The following ELAPOR2 variants were observed in gnomAD, a reference collection of about 807,000 sequenced individuals.
ELAPOR2 encodes the protein endosome/lysosome-associated apoptosis and autophagy regulator family member 2.
Under a neutral mutation model 120.7 loss-of-function variants are expected in ELAPOR2, and 89 were observed. The ratio of observed to expected loss-of-function variants is 0.74; its 90% CI spans 0.62 to 0.88. The LOEUF is 0.88. Ranked by LOEUF, ELAPOR2 falls within the 40% of genes least tolerant of loss-of-function variation. ELAPOR2 has a pLI of 0.00. For synonymous variants in ELAPOR2, 444 were observed against 444.9 expected (o/e 1.00, Z 0.03); for missense variants, 1,134 against 1,251.6 (o/e 0.91, Z 1.42).
intron 8 of ELAPOR2, among the ~76,000 whole-genome samples, chr7:86,937,429 C>A (rs551235317): frequency 2.0e-5 from 3 of 152,104 alleles, no homozygotes; most frequent in Non-Finnish European, 2.9e-5. Context: ...AAGCAACGCT[C>A]CATAGCAGCC....
At chr7:86,884,122 A>T (rs895196545) in intron 21 of ELAPOR2, among the ~76,000 whole-genome samples, 27 of 152,194 alleles carry the variant, frequency 1.8e-4, no homozygotes, top group Admixed American at 1.5e-3. Context: ...TCAAAATTTC[A>T]TTTTTAAAGT....
intron 1 of ELAPOR2, among the ~76,000 whole-genome samples, chr7:87,040,082 C>T (rs1375342342): frequency 6.6e-6 from 1 of 152,250 alleles, no homozygotes; most frequent in Non-Finnish European, 1.5e-5. Context: ...ACACGGCGCA[C>T]CACAAGATTA....
At chr7:86,938,095 TG>T in intron 8 of ELAPOR2, 30 bp downstream of exon 8, 1 of 1,491,636 alleles carries the variant, frequency 6.7e-7, no homozygotes, top group Non-Finnish European at 9.1e-7. Flanking sequence ...TGCAAAAATA[TG>T]GGATGGAGTT....
intron 8 of ELAPOR2, 113 bp from the exon 9 acceptor site, chr7:86,927,029 G>T: frequency 1.1e-6 from 1 of 934,778 alleles, no homozygotes; most frequent in Non-Finnish European, 1.5e-6. Flanking sequence ...AGAAGGGCCA[G>T]CTGACAGAAT....
intron 3 of ELAPOR2, among the ~76,000 whole-genome samples, chr7:86,947,396 T>C (rs916180761): frequency 6.6e-6 from 1 of 151,846 alleles, no homozygotes; most frequent in Non-Finnish European, 1.5e-5. Flanking sequence ...CAGAGGAAAA[T>C]AAAAAAACCT....
chr7:86,934,650 A>G (rs1790485709), intron 8 of ELAPOR2, among the ~76,000 whole-genome samples: 1 of 151,902 alleles, frequency 6.6e-6, no homozygotes. Context: ...AGCCCACTCT[A>G]TGATCTCCCT....
chr7:86,985,905 A>G (rs897114653), intron 1 of ELAPOR2, among the ~76,000 whole-genome samples: 34 of 151,648 alleles, frequency 2.2e-4, no homozygotes, highest in African/African-American at 8.0e-4. Flanking sequence ...TTGAGGGAAC[A>G]TATCTCAAAA....
chr7:86,947,070 G>A (rs554349844), intron 3 of ELAPOR2, among the ~76,000 whole-genome samples: 8 of 152,222 alleles, frequency 5.3e-5, no homozygotes, highest in Admixed American at 4.6e-4. Flanking sequence ...AAAAATGTGG[G>A]GTTCCTGAGA....
intron 10 of ELAPOR2, chr7:86,920,781 G>A (rs1056533974): frequency 1.3e-5 from 2 of 152,252 alleles, no homozygotes; most frequent in Non-Finnish European, 2.9e-5. Context: ...TTGACCCCAA[G>A]CCAGGGCCTT....
chr7:86,922,501 TTTC>T (rs1789876298), intron 10 of ELAPOR2, among the ~76,000 whole-genome samples: 1 of 151,970 alleles, frequency 6.6e-6, no homozygotes, highest in East Asian at 1.9e-4. Flanking sequence ...TGCTGTGATG[TTTC>T]TTTTCACTTT....
intron 1 of ELAPOR2, among the ~76,000 whole-genome samples, chr7:87,043,808 G>A (rs1327991765): frequency 6.6e-6 from 1 of 151,080 alleles, no homozygotes. Flanking sequence ...TAGGAAAAGA[G>A]GAAGTCAAAT....
chr7:86,908,120 TAG>T (rs1209809727), intron 17 of ELAPOR2, among the ~76,000 whole-genome samples: 3 of 150,452 alleles, frequency 2.0e-5, no homozygotes, highest in Non-Finnish European at 3.0e-5. Flanking sequence ...GACAATGAAA[TAG>T]AGTCTCTTTA....
intron 1 of ELAPOR2, among the ~76,000 whole-genome samples, chr7:87,013,514 G>A (rs1054964855): frequency 4.6e-5 from 7 of 152,158 alleles, no homozygotes; most frequent in African/African-American, 1.7e-4. Flanking sequence ...GGTGAGGTGA[G>A]TGTTAGATAC....
At chr7:86,883,831 T>C (rs902077197) in intron 21 of ELAPOR2, among the ~76,000 whole-genome samples, 2 of 152,208 alleles carry the variant, frequency 1.3e-5, no homozygotes, top group East Asian at 1.9e-4. Context: ...TATAGATGTA[T>C]ATTCATTTCT....
At position 86,941,919 on chromosome 7, in the gene ELAPOR2, C is replaced by T. The variant is rs2373361; in HGVS notation, c.741+99G>A. 2.0e-5 allele frequency: 13 copies of T among 638,282 alleles called. 1 individual carries two copies. Among genetic ancestry groups the T allele is most frequent in the South Asian group, 1.7e-4 (8 of 46,918 alleles). 39.5% of individuals were successfully genotyped at this position (638,282 alleles called of 1,614,324 possible). The stretch of plus-strand genomic sequence containing the variant: ...TTCTTAAAATATACTTTTCTTAAAA[C>T]GTTATGAAAGGAAGGGGAAGTTGGG... On this transcript the variant is annotated intron_variant, in intron 5 of 21. Transcript: ENST00000450689.
intron 1 of ELAPOR2, among the ~76,000 whole-genome samples, chr7:86,988,899 T>C (rs1208753663): frequency 2.0e-5 from 3 of 152,086 alleles, no homozygotes; most frequent in Non-Finnish European, 4.4e-5. Context: ...ATCCCACTCA[T>C]CCAAAAATAA....
chr7:86,964,258 T>C, intron 2 of ELAPOR2, among the ~76,000 whole-genome samples: 1 of 151,960 alleles, frequency 6.6e-6, no homozygotes, highest in Middle Eastern at 3.2e-3. Context: ...TTAACTAAAT[T>C]AACGATTTTA....
chr7:86,892,360 T>C (rs1037864633), intron 20 of ELAPOR2, among the ~76,000 whole-genome samples: 4 of 152,076 alleles, frequency 2.6e-5, no homozygotes, highest in Non-Finnish European at 4.4e-5. Context: ...TATTACAATA[T>C]AGGAGTTCCA....
intron 2 of ELAPOR2, among the ~76,000 whole-genome samples, chr7:86,960,690 C>T (rs10274974): frequency 0.35 from 53,122 of 152,012 alleles, 11,996 homozygotes; most frequent in African/African-American, 0.65. Context: ...ATTTAGATAT[C>T]CTGATTTTGA....
Sources: gnomAD v4.1 joint callset for allele counts (sites outside exome capture counted in the v4.1 genomes callset) on GRCh38, gnomAD v4.1.1 for gene constraint, MANE v1.5 for transcripts, NCBI Gene and HGNC (gene_info 2026-07-23, HGNC 2026-07-21) for gene names.